Variants in SYTL3 observed in about 807,000 individuals in gnomAD.
SYTL3 encodes the protein synaptotagmin like 3, also known as synaptotagmin-like protein 3.
SYTL3 carries 88 observed loss-of-function variants against 82.1 expected under a neutral mutation model. The ratio of observed to expected loss-of-function variants is 1.07; its 90% CI spans 0.90 to 1.28. The LOEUF (loss-of-function observed/expected upper bound fraction) is 1.28. Among genes scored for constraint, SYTL3 ranks in the 50% most tolerant of loss-of-function variants. SYTL3 has a pLI of 0.00. For missense variants in SYTL3, 831 were observed against 757.6 expected (o/e 1.10, Z -1.14); for synonymous variants, 311 against 289.4 (o/e 1.07, Z -0.76).
chr6:158,661,502 T>G (rs1233085126), intron 3 of SYTL3, 117 bp downstream of exon 3: 7 of 152,196 alleles, frequency 4.6e-5, no homozygotes, highest in African/African-American at 1.7e-4. Context: ...ACATCCCTTT[T>G]CAGAGCTCTG....
intron 14 of SYTL3, among the ~76,000 whole-genome samples, chr6:158,759,168 C>T (rs139315538): frequency 1.3e-5 from 2 of 152,320 alleles, no homozygotes; most frequent in East Asian, 3.9e-4. Flanking sequence ...CCTCATCAGA[C>T]TGAGCCTGCT....
At chr6:158,650,710 A>C (rs1048411156) in intron 1 of SYTL3, among the ~76,000 whole-genome samples, 2 of 152,042 alleles carry the variant, frequency 1.3e-5, no homozygotes, top group African/African-American at 4.8e-5. Flanking sequence ...TGGGAGGCCA[A>C]GGTGGGTAGA....
At chr6:158,664,544 A>G (rs1449060650) in intron 4 of SYTL3, among the ~76,000 whole-genome samples, 1 of 152,242 alleles carries the variant, frequency 6.6e-6, no homozygotes, top group Non-Finnish European at 1.5e-5. Context: ...CTCTGTCTCA[A>G]ACCAACAACA....
intron 12 of SYTL3, among the ~76,000 whole-genome samples, chr6:158,747,426 A>G (rs1424020916): frequency 2.6e-5 from 4 of 152,124 alleles, no homozygotes; most frequent in African/African-American, 9.7e-5. Flanking sequence ...CAGTGGTGCC[A>G]CTATAGCTCA....
intron 6 of SYTL3, among the ~76,000 whole-genome samples, chr6:158,706,340 T>C (rs367611281): frequency 1.3e-5 from 2 of 152,214 alleles, no homozygotes; most frequent in East Asian, 3.8e-4. Context: ...CATCACATGC[T>C]ATTTGCCCTC....
At chr6:158,738,815 G>C (rs925646773) in intron 11 of SYTL3, among the ~76,000 whole-genome samples, 9 of 152,312 alleles carry the variant, frequency 5.9e-5, no homozygotes, top group Admixed American at 2.0e-4. Context: ...GTGCCACCGT[G>C]CCCAGCTAAT....
chr6:158,760,400 A>T (rs531212371), intron 14 of SYTL3, among the ~76,000 whole-genome samples: 6 of 152,194 alleles, frequency 3.9e-5, no homozygotes, highest in Admixed American at 1.3e-4. Context: ...CCTCAGGCTC[A>T]TCTGGCTCTG....
At chr6:158,726,419 G>A (rs1421261031) in intron 11 of SYTL3, 1 of 206,164 alleles carries the variant, frequency 4.9e-6, no homozygotes. Context: ...ACAGGAACCA[G>A]TTCTAGGAGG....
chr6:158,714,874 A>G (rs1002602441), intron 9 of SYTL3, among the ~76,000 whole-genome samples: 9 of 152,156 alleles, frequency 5.9e-5, no homozygotes, highest in Non-Finnish European at 1.2e-4. Flanking sequence ...GCCCTGTGTC[A>G]GCTGTCACAC....
At position 158,685,200 on chromosome 6, in the gene SYTL3, GTC is replaced by G. The variant is rs148896149; in HGVS notation, c.394+2227_394+2228del. Among the ~76,000 whole-genome samples, 442 of 144,418 alleles carry G rather than the reference GTC, an allele frequency of 3.1e-3. 1 individual carries two copies. Among genetic ancestry groups the G allele is most frequent in the African/African-American group, 8.0e-3 (291 of 36,500 alleles). 94.7% of individuals were successfully genotyped at this position (144,418 alleles called of 152,430 possible). ...TTTTCTCTGTTTTTATTGCTTTTAT[GTC>G]TCTCTCTCTCTCTCTTTTTTTTTTT... On this transcript the variant is annotated intron_variant, in intron 6 of 17. Coordinates refer to ENST00000611299, the MANE Select transcript of SYTL3 (RefSeq NM_001242394.2).
intron 5 of SYTL3, among the ~76,000 whole-genome samples, chr6:158,676,030 T>A (rs1252697446): frequency 2.6e-5 from 4 of 152,170 alleles, no homozygotes; most frequent in African/African-American, 7.2e-5. Flanking sequence ...CCAATGACTT[T>A]CTTCACAGAA....
At chr6:158,752,061 G>T (rs911560669) in intron 13 of SYTL3, 31 bp downstream of exon 13, 5 of 1,515,360 alleles carry the variant, frequency 3.3e-6, no homozygotes, top group Non-Finnish European at 4.4e-6. Flanking sequence ...CCTGTGCAGA[G>T]TCCTCCCGAG....
At chr6:158,674,771 C>T (rs77215275) in intron 5 of SYTL3, among the ~76,000 whole-genome samples, 4,623 of 152,264 alleles carry the variant, frequency 0.03, 258 homozygotes, top group African/African-American at 0.11. Flanking sequence ...ACAAACTTGA[C>T]ATCAACAGAC....
At chr6:158,744,294 C>CT (rs1213663191) in intron 11 of SYTL3, among the ~76,000 whole-genome samples, 1 of 107,134 alleles carries the variant, frequency 9.3e-6, no homozygotes, top group East Asian at 3.2e-4. Context: ...TTTTTTTTTT[C>CT]TTTTTCTTTC....
chr6:158,713,709 C>A, intron 8 of SYTL3, 91 bp from the exon 9 acceptor site: 1 of 890,998 alleles, frequency 1.1e-6, no homozygotes, highest in Non-Finnish European at 1.8e-6. Flanking sequence ...ACCCACATGC[C>A]AGTGTTTTGG....
intron 5 of SYTL3, among the ~76,000 whole-genome samples, chr6:158,676,947 C>A (rs1188419918): frequency 6.6e-6 from 1 of 152,132 alleles, no homozygotes; most frequent in Non-Finnish European, 1.5e-5. Flanking sequence ...AACACTTTTA[C>A]ACTGTTGGTG....
At chr6:158,758,680 C>A (rs959573845) in intron 14 of SYTL3, among the ~76,000 whole-genome samples, 2 of 152,180 alleles carry the variant, frequency 1.3e-5, no homozygotes, top group Non-Finnish European at 2.9e-5. Flanking sequence ...CACTCTCCCA[C>A]TGCCTGTGCT....
chr6:158,664,848 A>T (rs1789829115), intron 4 of SYTL3, among the ~76,000 whole-genome samples: 1 of 152,052 alleles, frequency 6.6e-6, no homozygotes, highest in Non-Finnish European at 1.5e-5. Context: ...TTTTGGTCCA[A>T]TACAGTATCT....
chr6:158,658,127 C>T lies in SYTL3; in HGVS notation c.-636-3142C>T, dbSNP rs181570633. On this transcript the variant is annotated intron_variant, in intron 2 of 17. Transcript: ENST00000611299. ...CAGGATGGTCTCAATCTCCTGACCT[C>T]GTGATCCGCCTGCCTCAGCCTCCCA... Among the ~76,000 whole-genome samples, 750 of 152,230 alleles carry T rather than the reference C, an allele frequency of 4.9e-3. 7 individuals are homozygous for T. Among genetic ancestry groups the T allele is most frequent in the African/African-American group, 0.017 (688 of 41,538 alleles).
Sources: allele counts gnomAD v4.1 joint callset (sites outside exome capture counted in the v4.1 genomes callset), GRCh38; gene constraint gnomAD v4.1.1; transcripts MANE v1.5; gene names NCBI Gene and HGNC (gene_info 2026-07-23, HGNC 2026-07-21).